The following STPG2 variants were observed in gnomAD, a reference collection of about 807,000 sequenced individuals.
STPG2 encodes the protein sperm tail PG-rich repeat containing 2, also known as sperm-tail PG-rich repeat-containing protein 2.
A neutral mutation model predicts 54.2 loss-of-function variants in STPG2; 56 were observed. That is an observed-to-expected ratio of 1.03 (90% CI 0.83 to 1.29). The LOEUF (loss-of-function observed/expected upper bound fraction) is 1.29, where lower values mean the gene tolerates loss of function less well. STPG2 is among the 50% of genes most tolerant of loss of function. The pLI is 0.00. For missense variants in STPG2, 596 were observed against 544.9 expected, an observed-to-expected ratio of 1.09 and a Z score of -0.93; for synonymous variants, 200 against 181.8, an observed-to-expected ratio of 1.10 and a Z score of -0.81.
intron 3 of STPG2, among the ~76,000 whole-genome samples, chr4:98,116,487 C>G (rs1263105259): frequency 6.6e-6 from 1 of 151,796 alleles, no homozygotes; most frequent in Non-Finnish European, 1.5e-5. Flanking sequence ...GACACATAAC[C>G]AGGAAGTCTG....
chr4:97,459,438 TTG>T (rs1379854939), intron 4 of STPG2, among the ~76,000 whole-genome samples: 10 of 142,164 alleles, frequency 7.0e-5, no homozygotes, highest in South Asian at 4.4e-4. Flanking sequence ...CTGTTTTTTT[TTG>T]TTTTTTTTTT....
intron 5 of STPG2, among the ~76,000 whole-genome samples, chr4:98,043,008 A>G (rs748365240): frequency 6.6e-6 from 1 of 152,064 alleles, no homozygotes; most frequent in Non-Finnish European, 1.5e-5. Context: ...TATATATTTA[A>G]GGACTCAAAT....
intron 8 of STPG2, among the ~76,000 whole-genome samples, chr4:97,887,072 A>G (rs983647345): frequency 2.0e-5 from 3 of 152,184 alleles, no homozygotes. Context: ...CTGTGAGCCA[A>G]TTAAGCCTCT....
At chr4:97,640,168 A>G (rs915464965) in intron 10 of STPG2, among the ~76,000 whole-genome samples, 1 of 152,026 alleles carries the variant, frequency 6.6e-6, no homozygotes, top group Non-Finnish European at 1.5e-5. Context: ...TTATTGGCCA[A>G]ATAACTTCAC....
chr4:98,084,583 T>G (rs112790496), intron 5 of STPG2, among the ~76,000 whole-genome samples: 1 of 152,210 alleles, frequency 6.6e-6, no homozygotes, highest in Non-Finnish European at 1.5e-5. Flanking sequence ...AAGGGATGTA[T>G]GAAGAGTTCT....
chr4:97,445,059 AATG>A (rs1470246799), intron 4 of STPG2, among the ~76,000 whole-genome samples: 1 of 152,204 alleles, frequency 6.6e-6, no homozygotes, highest in African/African-American at 2.4e-5. Context: ...TAACTTAAGT[AATG>A]ATGATAATAA....
intron 5 of STPG2, among the ~76,000 whole-genome samples, chr4:98,032,489 T>C (rs973067320): frequency 1.1e-4 from 16 of 152,080 alleles, no homozygotes; most frequent in African/African-American, 3.6e-4. Context: ...CACACAATAA[T>C]AGTGGGAAAC....
intron 4 of STPG2, among the ~76,000 whole-genome samples, chr4:97,503,575 C>T (rs1301084120): frequency 1.3e-5 from 2 of 150,992 alleles, no homozygotes; most frequent in Admixed American, 6.6e-5. Flanking sequence ...CATGAGCCAC[C>T]GTGCCTGGCT....
At chr4:97,732,029 A>G (rs1724812690) in intron 9 of STPG2, among the ~76,000 whole-genome samples, 1 of 152,174 alleles carries the variant, frequency 6.6e-6, no homozygotes, top group African/African-American at 2.4e-5. Flanking sequence ...GGGCCCACAG[A>G]CAGGTAAGCA....
chr4:97,988,642 T>TGG (rs1734899250), intron 5 of STPG2, among the ~76,000 whole-genome samples: 1 of 152,372 alleles, frequency 6.6e-6, no homozygotes, highest in East Asian at 1.9e-4. Context: ...GCTCTCACTC[T>TGG]GTTACCCAGG....
intron 9 of STPG2, among the ~76,000 whole-genome samples, chr4:97,717,590 A>G (rs1354694912): frequency 6.6e-6 from 1 of 152,188 alleles, no homozygotes; most frequent in African/African-American, 2.4e-5. Context: ...CCTCTAATAC[A>G]TACTTATCAA....
chr4:98,064,271 A>C (rs915223500), intron 5 of STPG2, among the ~76,000 whole-genome samples: 1 of 152,220 alleles, frequency 6.6e-6, no homozygotes, highest in African/African-American at 2.4e-5. Context: ...AATTTATTTT[A>C]TGAAATAAAC....
intron 7 of STPG2, among the ~76,000 whole-genome samples, chr4:97,968,075 G>T (rs998486696): frequency 2.0e-5 from 3 of 152,098 alleles, no homozygotes; most frequent in Non-Finnish European, 4.4e-5. Flanking sequence ...CCAGGAGCTG[G>T]TTTTTTGAAA....
At chr4:97,592,239 G>T (rs973002853) in intron 10 of STPG2, among the ~76,000 whole-genome samples, 1 of 151,950 alleles carries the variant, frequency 6.6e-6, no homozygotes, top group African/African-American at 2.4e-5. Context: ...TTATGTAAAA[G>T]AATATATCAA....
intron 9 of STPG2, among the ~76,000 whole-genome samples, chr4:97,816,205 T>C (rs900288163): frequency 8.5e-5 from 13 of 152,188 alleles, no homozygotes; most frequent in Non-Finnish European, 1.6e-4. Flanking sequence ...GCAAAGGACA[T>C]GAACTTATCC....
intron 4 of STPG2, among the ~76,000 whole-genome samples, chr4:97,511,655 A>G (rs1441377032): frequency 6.6e-6 from 1 of 152,138 alleles, no homozygotes; most frequent in Admixed American, 6.6e-5. Context: ...TATGCACAAT[A>G]CCTGCAGAAT....
chr4:97,754,059 C>G (rs1010720389), intron 9 of STPG2, among the ~76,000 whole-genome samples: 1 of 151,926 alleles, frequency 6.6e-6, no homozygotes, highest in Non-Finnish European at 1.5e-5. Flanking sequence ...TCAAGATTTC[C>G]TATAGTGTTT....
chr4:97,566,332 C>T (rs1182679278), intron 10 of STPG2, among the ~76,000 whole-genome samples: 2 of 152,080 alleles, frequency 1.3e-5, no homozygotes, highest in Non-Finnish European at 2.9e-5. Context: ...TTCCAGGTGC[C>T]GTCTGTTACC....
chr4:97,833,994 A>C (rs924613091), intron 9 of STPG2, among the ~76,000 whole-genome samples: 1 of 152,156 alleles, frequency 6.6e-6, no homozygotes, highest in African/African-American at 2.4e-5. Flanking sequence ...TTGACCCAGC[A>C]ATCCCATTAC....
Sources: gnomAD v4.1 joint callset for allele counts (sites outside exome capture counted in the v4.1 genomes callset) on GRCh38, gnomAD v4.1.1 for gene constraint, MANE v1.5 for transcripts, NCBI Gene and HGNC (gene_info 2026-07-23, HGNC 2026-07-21) for gene names.